CUX2: variants seen among roughly 807,000 people sequenced by gnomAD.
CUX2 encodes cut like homeobox 2.
In CUX2, 40 loss-of-function variants were observed where a neutral mutation model predicts 144.8. The observed-to-expected ratio is 0.28, with a 90% CI of 0.21 to 0.36. The LOEUF (loss-of-function observed/expected upper bound fraction) is 0.36, where lower values mean the gene tolerates loss of function less well. CUX2 is among the 10% of genes least tolerant of loss of function. CUX2 has a pLI of 1.00. For synonymous variants in CUX2, 827 were observed against 875.6 expected (o/e 0.94, Z 0.98); for missense variants, 1,615 against 1,994.0 (o/e 0.81, Z 3.62).
At chr12:111,242,022 T>G (rs115983358) in intron 3 of CUX2, among the ~76,000 whole-genome samples, 2,737 of 152,356 alleles carry the variant, frequency 0.018, 81 homozygotes, top group African/African-American at 0.062. Context: ...ACATAATTGT[T>G]CATCATTTCA....
At chr12:111,262,847 C>T (rs1172539315) in intron 3 of CUX2, among the ~76,000 whole-genome samples, 1 of 152,178 alleles carries the variant, frequency 6.6e-6, no homozygotes, top group Non-Finnish European at 1.5e-5. Flanking sequence ...AGACGTGTCC[C>T]ACTTTCCTCC....
Position 111,307,595 on chromosome 12 carries a change from G to T in CUX2, c.1109+338G>T, listed in dbSNP as rs998804034. ...TGCTGTAGTCCCAGCCACTCAGGAG[G>T]CTGATGTGGGAGGATTGCTTGAGCC... On this transcript the variant is annotated intron_variant, in intron 12 of 21. Coordinates refer to ENST00000261726, the MANE Select transcript of CUX2 (RefSeq NM_015267.4). This position sits in a 1 kb window ranked among gnomAD's most constrained non-coding sequence, Gnocchi z 4.1. Among the ~76,000 whole-genome samples, 8 of 152,238 alleles carry T rather than the reference G, an allele frequency of 5.3e-5. No individual in the cohort carries two copies. The highest frequency in any genetic ancestry group is 1.9e-4 in the African/African-American group (8 of 41,464).
At chr12:111,044,820 C>G (rs1261220821) in intron 1 of CUX2, among the ~76,000 whole-genome samples, 1 of 152,194 alleles carries the variant, frequency 6.6e-6, no homozygotes. Context: ...CTGCTACACC[C>G]CTCACTGGCT....
chr12:111,343,081 G>C (rs1888644823), intron 21 of CUX2, among the ~76,000 whole-genome samples: 1 of 151,930 alleles, frequency 6.6e-6, no homozygotes, highest in Admixed American at 6.6e-5. Context: ...GAAGGGACAG[G>C]GAAGGGTATT....
rs1555217610 is a variant in CUX2 at position 111,330,737 on chromosome 12, A to ATATATG, written c.2927-3699_2927-3698insGTATAT. Among the ~76,000 whole-genome samples, 34 of 85,642 alleles carry ATATATG rather than the reference A, an allele frequency of 4.0e-4. 1 individual carries two copies. The highest frequency in any genetic ancestry group is 7.1e-4 in the Non-Finnish European group (29 of 40,994). The allele number at this position is 85,642 out of a possible 152,430, so 56.2% of individuals were successfully genotyped here. On this transcript the variant is annotated intron_variant, in intron 18 of 21. Coordinates refer to ENST00000261726, the MANE Select transcript of CUX2 (RefSeq NM_015267.4). Reference sequence around the variant, plus strand: ...TATATATATATATATATATATATATATATATATATATATAAAGAGAGAGGG... The same window carrying ATATATG: ...TATATATATATATATATATATATATATATATGTATATATATATATAAAGAGAGAGGG...
At chr12:111,040,113 C>T (rs151191000) in intron 1 of CUX2, among the ~76,000 whole-genome samples, 437 of 151,066 alleles carry the variant, frequency 2.9e-3, no homozygotes, top group African/African-American at 0.01. Context: ...ATAGTGATAC[C>T]CCTTCTCTAC....
chr12:111,266,340 G>A (rs1345699778), intron 4 of CUX2, among the ~76,000 whole-genome samples: 2 of 151,990 alleles, frequency 1.3e-5, no homozygotes, highest in African/African-American at 4.8e-5. Flanking sequence ...AGCCAGGTGT[G>A]GTAGCCTGTA....
At chr12:111,123,831 C>G (rs549840159) in intron 1 of CUX2, among the ~76,000 whole-genome samples, 1 of 152,330 alleles carries the variant, frequency 6.6e-6, no homozygotes, top group South Asian at 2.1e-4. Context: ...CCACCGCGCC[C>G]AGACAAACTT....
At chr12:111,325,658 T>G (rs1247533795) in intron 18 of CUX2, among the ~76,000 whole-genome samples, 15 of 53,734 alleles carry the variant, frequency 2.8e-4, no homozygotes, top group South Asian at 6.5e-4. Context: ...TATAGTGTTG[T>G]GGTGGGGGAG....
chr12:111,232,552 TTA>T (rs1177369641), intron 3 of CUX2, among the ~76,000 whole-genome samples: 1 of 152,180 alleles, frequency 6.6e-6, no homozygotes, highest in Non-Finnish European at 1.5e-5. Context: ...TGTGCGTAGA[TTA>T]TATGCAAACA....
In CUX2 at chr12:111,035,199, C is replaced by T. The variant is rs1869371537; in HGVS notation, c.63+959C>T. Among the ~76,000 whole-genome samples the T allele has an allele frequency of 6.6e-6, 1 of 152,232 alleles. No homozygotes were observed. The highest frequency in any genetic ancestry group is 6.5e-5 in the Admixed American group (1 of 15,290). ...GCTGCTCCCCTCGTCTCCTCTCTCC[C>T]GTCTCTGCTTTTCTTCTGTTTCTTT... is the stretch of plus-strand genomic sequence containing the variant. On this transcript the variant is annotated intron_variant, in intron 1 of 21. Coordinates refer to ENST00000261726, the MANE Select transcript of CUX2 (RefSeq NM_015267.4). This position sits in a 1 kb window ranked among gnomAD's most constrained non-coding sequence, Gnocchi z 6.0.
intron 3 of CUX2, among the ~76,000 whole-genome samples, chr12:111,242,240 G>C (rs926032495): frequency 2.6e-5 from 4 of 152,244 alleles, no homozygotes; most frequent in African/African-American, 9.6e-5. Context: ...TCTTACAGGG[G>C]AGGAAACCTT....
chr12:111,282,074 C>T (rs753932572), intron 4 of CUX2, among the ~76,000 whole-genome samples: 5 of 152,092 alleles, frequency 3.3e-5, no homozygotes, highest in Admixed American at 1.3e-4. Context: ...GTAATCCCAG[C>T]GCTTTGGGAG....
chr12:111,100,187 G>T (rs1490039172), intron 1 of CUX2: 1 of 389,708 alleles, frequency 2.6e-6, no homozygotes, highest in Non-Finnish European at 5.1e-6. Flanking sequence ...GTGACTGTGT[G>T]TGTGTGTGTG....
At chr12:111,216,290 C>A (rs1325758043) in intron 2 of CUX2, among the ~76,000 whole-genome samples, 1 of 152,238 alleles carries the variant, frequency 6.6e-6, no homozygotes, top group Non-Finnish European at 1.5e-5. Flanking sequence ...AGCAGGCTAG[C>A]CCCTCTTGGG....
rs948101714 is a variant in CUX2, at chr12:111,034,974, C to G, written c.63+734C>G. Among the ~76,000 whole-genome samples, 3 of 152,112 alleles carry G rather than the reference C, an allele frequency of 2.0e-5. No homozygotes were observed. Among genetic ancestry groups the G allele is most frequent in the South Asian group, 2.1e-4 (1 of 4,834 alleles). On this transcript the variant is annotated intron_variant, in intron 1 of 21. Transcript: ENST00000261726. This position sits in a 1 kb window ranked among gnomAD's most constrained non-coding sequence, Gnocchi z 4.2. ...CGTCTTGCTTCTTGCCTTTACCCCCCCGCCCCTTCCATCCCCTTCCCAAGT... is the reference window on the plus strand; with the variant it reads ...CGTCTTGCTTCTTGCCTTTACCCCCGCGCCCCTTCCATCCCCTTCCCAAGT...
intron 16 of CUX2, among the ~76,000 whole-genome samples, chr12:111,314,669 C>A (rs77031693): frequency 0.018 from 1,065 of 57,796 alleles, 80 homozygotes; most frequent in East Asian, 0.18. Flanking sequence ...AAAAAAAAAA[C>A]CCCATCTCCT....
At chr12:111,296,361 G>C in intron 7 of CUX2, 112 bp from the exon 8 acceptor site, 1 of 836,372 alleles carries the variant, frequency 1.2e-6, no homozygotes, top group Non-Finnish European at 1.9e-6. Flanking sequence ...CACTACCCGA[G>C]CTCTCATTCT....
chr12:111,040,746 T>C (rs1722828796), intron 1 of CUX2, among the ~76,000 whole-genome samples: 1 of 152,206 alleles, frequency 6.6e-6, no homozygotes, highest in Admixed American at 6.5e-5. Flanking sequence ...AACCTTTTTC[T>C]ATAGAGTTGG....
Sources: allele counts gnomAD v4.1 joint callset (sites outside exome capture counted in the v4.1 genomes callset), GRCh38; gene constraint gnomAD v4.1.1; non-coding constraint Gnocchi (gnomAD v3.1); transcripts MANE v1.5; gene names NCBI Gene and HGNC (gene_info 2026-07-23, HGNC 2026-07-21).